Variants in ETV6 observed in about 807,000 individuals in gnomAD.
ETV6 encodes ETS variant transcription factor 6, also known as transcription factor ETV6.
A neutral mutation model predicts 51.1 loss-of-function variants in ETV6; 16 were observed. The observed-to-expected ratio is 0.31, with a 90% confidence interval of 0.21 to 0.48. The LOEUF (loss-of-function observed/expected upper bound fraction) is 0.48, where lower values mean the gene tolerates loss of function less well. ETV6 is among the 20% of genes least tolerant of loss of function. The pLI, the probability that ETV6 is intolerant of heterozygous loss-of-function variation, is 0.99. For missense variants in ETV6, 458 were observed against 594.8 expected, an observed-to-expected ratio of 0.77 and a Z score of 2.39; for synonymous variants, 240 against 224.1, an observed-to-expected ratio of 1.07 and a Z score of -0.64.
In ETV6 at chr12:11,891,026, T is replaced by A. The variant is rs1423071040; in HGVS notation, c.1339T>A (p.Tyr447Asn). The change falls in exon 8 of 8, where the codon TAC becomes AAC. Residue 447 changes from tyrosine to asparagine, a missense_variant. Around this residue, in one of 4 missense-constraint regions of ETV6, gnomAD observed 55 missense variants for 151.2 expected, o/e 0.36. Coordinates refer to ENST00000396373, the MANE Select transcript of ETV6 (RefSeq NM_001987.5). ...LESQELDEQIYQEDEC is the reference protein window; with the variant it reads ...LESQELDEQINQEDEC Reference sequence around the variant, plus strand: ...GTCCCAGGAGCTGGATGAACAAATATACCAAGAAGATGAATGCTGAAGGAA... The same window carrying A: ...GTCCCAGGAGCTGGATGAACAAATAAACCAAGAAGATGAATGCTGAAGGAA... 1 of 1,613,340 alleles carries A rather than the reference T, an allele frequency of 6.2e-7. No individual in the cohort carries two copies. Among genetic ancestry groups the A allele is most frequent in the Non-Finnish European group, 8.5e-7 (1 of 1,179,526 alleles).
At chr12:11,765,013 C>G (rs144969517) in intron 2 of ETV6, among the ~76,000 whole-genome samples, 17 of 152,324 alleles carry the variant, frequency 1.1e-4, no homozygotes, top group African/African-American at 3.6e-4. Flanking sequence ...ATTGCCTAAT[C>G]TCTTCACTTT....
chr12:11,718,071 G>A (rs1353439404), intron 1 of ETV6, among the ~76,000 whole-genome samples: 1 of 151,994 alleles, frequency 6.6e-6, no homozygotes, highest in East Asian at 1.9e-4. Context: ...CAGAGAGATA[G>A]AAATAAGGCC....
chr12:11,828,070 T>C (rs952744822), intron 2 of ETV6, among the ~76,000 whole-genome samples: 4 of 152,232 alleles, frequency 2.6e-5, no homozygotes, highest in African/African-American at 9.6e-5. Flanking sequence ...TCCTACTTTT[T>C]TTTTCTTCTT....
intron 5 of ETV6, 34 bp downstream of exon 5, chr12:11,870,003 A>G: frequency 6.4e-7 from 1 of 1,565,062 alleles, no homozygotes; most frequent in South Asian, 1.2e-5. Flanking sequence ...CTCCAGCATC[A>G]TGGGGACCTG....
chr12:11,809,024 G>A (rs1282291168), intron 2 of ETV6, among the ~76,000 whole-genome samples: 3 of 152,132 alleles, frequency 2.0e-5, no homozygotes, highest in African/African-American at 7.2e-5. Context: ...AATTAGCTGG[G>A]TGTGATGGCA....
chr12:11,689,809 T>TCCCC (rs796644073), intron 1 of ETV6, among the ~76,000 whole-genome samples: 15 of 47,104 alleles, frequency 3.2e-4, no homozygotes, highest in Admixed American at 1.7e-3. Context: ...TCTTTTTCCC[T>TCCCC]CCCCCCCCCC....
At chr12:11,677,773 C>G (rs935799620) in intron 1 of ETV6, among the ~76,000 whole-genome samples, 1 of 152,180 alleles carries the variant, frequency 6.6e-6, no homozygotes, top group African/African-American at 2.4e-5. Flanking sequence ...ATTGCTTAAC[C>G]GTAAAATGAG....
At chr12:11,736,963 T>A (rs908886266) in intron 1 of ETV6, among the ~76,000 whole-genome samples, 3 of 152,210 alleles carry the variant, frequency 2.0e-5, no homozygotes, top group African/African-American at 7.2e-5. Flanking sequence ...GTAAGGGATA[T>A]GGCAGTGAAC....
At chr12:11,725,735 T>A (rs1274894814) in intron 1 of ETV6, among the ~76,000 whole-genome samples, 1 of 152,170 alleles carries the variant, frequency 6.6e-6, no homozygotes, top group East Asian at 1.9e-4. Flanking sequence ...CTCGCTCTGT[T>A]AGTTCTCACA....
chr12:11,809,695 G>A (rs1945883342), intron 2 of ETV6, among the ~76,000 whole-genome samples: 1 of 151,964 alleles, frequency 6.6e-6, no homozygotes, highest in Non-Finnish European at 1.5e-5. Context: ...AATGTCTGCA[G>A]GTGTCCCTTA....
chr12:11,704,079 G>T lies in ETV6; in HGVS notation c.34-48371G>T, dbSNP rs1319467731. ...TAGTTGAAATTATTACAACTTGCAT[G>T]TATTTTGTCTGTTTACTCATTATTT... On this transcript the variant is annotated intron_variant, in intron 1 of 7. Transcript: ENST00000396373. 2.6e-5 allele frequency among the ~76,000 whole-genome samples: 4 copies of T among 152,202 alleles called. No homozygotes were observed. The East Asian group carries it at 7.7e-4, about 29-fold the overall frequency.
chr12:11,859,471 C>G (rs987451802), intron 4 of ETV6, among the ~76,000 whole-genome samples: 2 of 152,076 alleles, frequency 1.3e-5, no homozygotes, highest in Admixed American at 6.6e-5. Flanking sequence ...AAAATAATAG[C>G]TAACATTTAT....
intron 1 of ETV6, among the ~76,000 whole-genome samples, chr12:11,677,036 A>G (rs1864433138): frequency 6.6e-6 from 1 of 152,260 alleles, no homozygotes; most frequent in African/African-American, 2.4e-5. Flanking sequence ...GGAAATTCAG[A>G]ATATTAAGTT....
rs116198667 is a variant in ETV6 at position 11,863,524 on chromosome 12, C to T, written c.464-5900C>T. Among the ~76,000 whole-genome samples the T allele has an allele frequency of 1.1e-3, 160 of 152,272 alleles. 1 individual carries two copies. Among genetic ancestry groups the T allele is most frequent in the African/African-American group, 3.3e-3 (136 of 41,550 alleles). On this transcript the variant is annotated intron_variant, in intron 4 of 7. Transcript: ENST00000396373. The stretch of plus-strand genomic sequence containing the variant: ...TATGTCTGGCTTTCCCTCCCTCTTC[C>T]TTGTATATTTCCCTTCCATATCAAG...
intron 1 of ETV6, among the ~76,000 whole-genome samples, chr12:11,704,007 T>C (rs1171708528): frequency 6.6e-6 from 1 of 152,248 alleles, no homozygotes; most frequent in Non-Finnish European, 1.5e-5. Flanking sequence ...GTGGAGACGA[T>C]GAATTTTCAG....
At chr12:11,733,407 C>CA (rs11394100) in intron 1 of ETV6, among the ~76,000 whole-genome samples, 48,825 of 97,600 alleles carry the variant, frequency 0.5, 12,188 homozygotes, top group Middle Eastern at 0.6. Context: ...GACTCCATCT[C>CA]AAAAAAAAAA....
At chr12:11,663,309 G>A (rs533131818) in intron 1 of ETV6, among the ~76,000 whole-genome samples, 11 of 152,218 alleles carry the variant, frequency 7.2e-5, no homozygotes, top group Non-Finnish European at 1.3e-4. Flanking sequence ...AGGGAGGACA[G>A]CGAGAGGGCA....
At chr12:11,855,040 A>C (rs906937175) in intron 4 of ETV6, among the ~76,000 whole-genome samples, 30 of 151,964 alleles carry the variant, frequency 2.0e-4, no homozygotes, top group African/African-American at 6.8e-4. Flanking sequence ...TCACGCCTGT[A>C]ATCCCAGCAC....
In ETV6 at chr12:11,893,637, C is replaced by T. The variant is rs555265655; in HGVS notation, c.*2591C>T. The T allele has an allele frequency of 2.6e-5, 6 of 231,038 alleles. No individual in the cohort carries two copies. The South Asian group carries it at 1.1e-3, about 42-fold the overall frequency. 14.3% of individuals were successfully genotyped at this position (231,038 alleles called of 1,614,324 possible). A position where few individuals can be genotyped will look rare whatever the true frequency, so the allele number is the denominator to read the frequency against. The stretch of plus-strand genomic sequence containing the variant: ...TGGAAAATTCCACACCTAACAAACA[C>T]ATTTGCTTTCTTATGGTTCAATGTA... On this transcript the variant is annotated 3_prime_UTR_variant, in exon 8 of 8. Coordinates refer to ENST00000396373, the MANE Select transcript of ETV6 (RefSeq NM_001987.5).
Sources: gnomAD v4.1 joint callset for allele counts (sites outside exome capture counted in the v4.1 genomes callset) on GRCh38, gnomAD v4.1.1 for gene constraint, gnomAD v4.1.1 regional missense constraint, MANE v1.5 for transcripts, NCBI Gene and HGNC (gene_info 2026-07-23, HGNC 2026-07-21) for gene names.